The following HDAC9 variants were observed in gnomAD, a reference collection of about 807,000 sequenced individuals.
HDAC9 encodes the protein MEF-2 interacting transcription repressor (MITR) protein.
HDAC9 carries 41 observed loss-of-function variants against 139.4 expected under a neutral mutation model. The observed-to-expected ratio is 0.29, with a 90% CI of 0.23 to 0.38. The LOEUF (loss-of-function observed/expected upper bound fraction) is 0.38. Ranked by LOEUF, HDAC9 falls within the 10% of genes least tolerant of loss-of-function variation. The probability of loss-of-function intolerance (pLI) is 1.00; values close to 1 mark genes in which losing one functional copy is unlikely to be tolerated. For missense variants in HDAC9, 1,147 were observed against 1,297.0 expected, an observed-to-expected ratio of 0.88 and a Z score of 1.78; for synonymous variants, 517 against 476.2, an observed-to-expected ratio of 1.09 and a Z score of -1.12.
chr7:18,315,379 G>A (rs1799570099), intron 1 of HDAC9, among the ~76,000 whole-genome samples: 1 of 152,258 alleles, frequency 6.6e-6, no homozygotes, highest in South Asian at 2.1e-4. Context: ...TGGCTCATTA[G>A]CTGCTCAAGG....
intron 12 of HDAC9, among the ~76,000 whole-genome samples, chr7:18,700,773 A>T (rs1783413055): frequency 6.6e-6 from 1 of 152,134 alleles, no homozygotes; most frequent in African/African-American, 2.4e-5. Flanking sequence ...TCTCCAGGAG[A>T]CTAGCCTTAG....
chr7:18,406,395 T>C (rs1788005792), intron 1 of HDAC9, among the ~76,000 whole-genome samples: 1 of 152,084 alleles, frequency 6.6e-6, no homozygotes, highest in Non-Finnish European at 1.5e-5. Flanking sequence ...TTTCTTTTTT[T>C]TTATTTTTTT....
intron 1 of HDAC9, among the ~76,000 whole-genome samples, chr7:18,353,241 AT>A (rs1335189124): frequency 6.6e-6 from 1 of 151,886 alleles, no homozygotes; most frequent in African/African-American, 2.4e-5. Flanking sequence ...GGGATATTTG[AT>A]GTCTCAGGAG....
intron 1 of HDAC9, among the ~76,000 whole-genome samples, chr7:18,367,491 A>G (rs939268082): frequency 3.9e-5 from 6 of 152,158 alleles, no homozygotes; most frequent in Admixed American, 6.6e-5. Flanking sequence ...TATATAAACT[A>G]TAATGTTAGA....
chr7:18,522,110 A>C (rs1201227966), intron 2 of HDAC9, among the ~76,000 whole-genome samples: 1 of 152,162 alleles, frequency 6.6e-6, no homozygotes, highest in Non-Finnish European at 1.5e-5. Context: ...TGTTAGACCA[A>C]AATTAACACC....
At chr7:18,745,610 A>G (rs1256121133) in intron 13 of HDAC9, among the ~76,000 whole-genome samples, 1 of 136,462 alleles carries the variant, frequency 7.3e-6, no homozygotes, top group Non-Finnish European at 1.5e-5. Context: ...GCAGTGGCGC[A>G]ATCTCAGCTC....
At chr7:18,547,806 CCCTTCCTT>C (rs1233554853) in intron 2 of HDAC9, among the ~76,000 whole-genome samples, 794 of 68,064 alleles carry the variant, frequency 0.012, 21 homozygotes, top group African/African-American at 0.04. Context: ...TTCAAGAAAC[CCCTTCCTT>C]CCTTCCTTCC....
intron 1 of HDAC9, among the ~76,000 whole-genome samples, chr7:18,444,299 A>C (rs1034122179): frequency 6.7e-6 from 1 of 149,720 alleles, no homozygotes; most frequent in Non-Finnish European, 1.5e-5. Context: ...TGATCATGCC[A>C]ATGCTGCACT....
rs1371382829 is a variant in HDAC9 at position 18,235,421 on chromosome 7, CAACTT to C, written c.25+73075_25+73079del. Among the ~76,000 whole-genome samples the C allele has an allele frequency of 3.9e-5, 6 of 152,100 alleles. No homozygotes were observed. The East Asian group carries it at 1.2e-3, about 29-fold the overall frequency. On this transcript the variant is annotated intron_variant, in intron 2 of 12. Transcript: ENST00000417496. ...GTAGCATTTGTTGATTTCAAGGTAC[CAACTT>C]AATGTCACTGAACATGGGGTTAGGA...
At chr7:18,273,005 TTCTTCTTCC>T (rs1796468038) in intron 2 of HDAC9, among the ~76,000 whole-genome samples, 1 of 148,954 alleles carries the variant, frequency 6.7e-6, no homozygotes, top group Non-Finnish European at 1.5e-5. Context: ...CCTCTTCTTC[TTCTTCTTCC>T]TCCTCCTCCT....
At chr7:18,266,687 A>G (rs776540161) in intron 2 of HDAC9, among the ~76,000 whole-genome samples, 1 of 152,278 alleles carries the variant, frequency 6.6e-6, no homozygotes, top group Non-Finnish European at 1.5e-5. Flanking sequence ...TAAGGGATAC[A>G]ATGACTGTAA....
At chr7:18,952,470 C>A (rs1364735137) in intron 23 of HDAC9, among the ~76,000 whole-genome samples, 1 of 151,934 alleles carries the variant, frequency 6.6e-6, no homozygotes, top group Middle Eastern at 3.2e-3. Context: ...AAGCTGTCAT[C>A]GCTTTGTGCT....
rs553678035 is a variant in HDAC9 at position 18,920,079 on chromosome 7, A to G, written c.2804-15730A>G. ...GGGGATGGCATTGAATCTATAAATTACCTTGGGCAGTATGGCCATTTTCAC... is the reference window on the plus strand; with the variant it reads ...GGGGATGGCATTGAATCTATAAATTGCCTTGGGCAGTATGGCCATTTTCAC... On this transcript the variant is annotated intron_variant, in intron 22 of 25. Coordinates refer to ENST00000686413, the MANE Select transcript of HDAC9 (RefSeq NM_178425.4). Among the ~76,000 whole-genome samples the G allele has an allele frequency of 3.9e-5, 6 of 152,232 alleles. No homozygotes were observed. The East Asian group carries it at 1.2e-3, about 29-fold the overall frequency.
Position 18,368,780 on chromosome 7 carries a change from A to T in HDAC9, c.-42+78265A>T, listed in dbSNP as rs553302130. ...GGCAAAATGGAATACAGAAATTCCTACCTAAGTAGTAGCCAAGTCAAAGAG... is the reference window on the plus strand; with the variant it reads ...GGCAAAATGGAATACAGAAATTCCTTCCTAAGTAGTAGCCAAGTCAAAGAG... On this transcript the variant is annotated intron_variant, in intron 1 of 3. Coordinates refer to the HDAC9 transcript ENST00000413509. Among the ~76,000 whole-genome samples, 812 of 87,088 alleles carry T rather than the reference A, an allele frequency of 9.3e-3. 8 individuals carry two copies. Among genetic ancestry groups the T allele is most frequent in the African/African-American group, 0.035 (780 of 21,988 alleles). The allele number at this position is 87,088 out of a possible 152,430, so 57.1% of individuals were successfully genotyped here.
chr7:18,815,393 T>C (rs1285908522), intron 17 of HDAC9, among the ~76,000 whole-genome samples: 1 of 152,198 alleles, frequency 6.6e-6, no homozygotes, highest in Non-Finnish European at 1.5e-5. Flanking sequence ...AATGGGTTAT[T>C]ATTGCCTTAC....
At chr7:18,222,346 G>A in intron 2 of HDAC9, among the ~76,000 whole-genome samples, 1 of 152,058 alleles carries the variant, frequency 6.6e-6, no homozygotes, top group Non-Finnish European at 1.5e-5. Flanking sequence ...ATTAATTCTT[G>A]ACAAGGACCT....
At chr7:18,169,224 A>G (rs1788232481) in intron 2 of HDAC9, among the ~76,000 whole-genome samples, 1 of 152,116 alleles carries the variant, frequency 6.6e-6, no homozygotes, top group South Asian at 2.1e-4. Flanking sequence ...GGTATGTGCC[A>G]CTGCACCCAG....
At chr7:18,828,098 T>C in intron 17 of HDAC9, among the ~76,000 whole-genome samples, 1 of 152,156 alleles carries the variant, frequency 6.6e-6, no homozygotes, top group East Asian at 1.9e-4. Flanking sequence ...TCATTGTGTG[T>C]TAATGACCAT....
At chr7:18,354,465 A>C (rs1318822042) in intron 1 of HDAC9, among the ~76,000 whole-genome samples, 2 of 152,190 alleles carry the variant, frequency 1.3e-5, no homozygotes. Context: ...AATTAATCGC[A>C]ACTAATGTGC....
Sources: gnomAD v4.1 joint callset for allele counts (sites outside exome capture counted in the v4.1 genomes callset) on GRCh38, gnomAD v4.1.1 for gene constraint, MANE v1.5 for transcripts, NCBI Gene and HGNC (gene_info 2026-07-23, HGNC 2026-07-21) for gene names.